The following NGLY1 variants were observed in gnomAD, a reference collection of about 807,000 sequenced individuals.
NGLY1 encodes the protein peptide-N(4)-(N-acetyl-beta-glucosaminyl)asparagine amidase.
NGLY1 carries 68 observed loss-of-function variants against 84.6 expected under a neutral mutation model. That is an observed-to-expected ratio of 0.80 (90% CI 0.66 to 0.98). NGLY1 has a LOEUF of 0.98. Ranked by LOEUF, NGLY1 falls within the 50% of genes least tolerant of loss-of-function variation. NGLY1 has a pLI of 0.00. For missense variants in NGLY1, 779 were observed against 770.2 expected, an observed-to-expected ratio of 1.01 and a Z score of -0.14; for synonymous variants, 280 against 275.2, an observed-to-expected ratio of 1.02 and a Z score of -0.17.
intron 1 of NGLY1, among the ~76,000 whole-genome samples, chr3:25,781,993 T>C (rs554105002): frequency 6.6e-6 from 1 of 152,204 alleles, no homozygotes; most frequent in South Asian, 2.1e-4. Flanking sequence ...TGTGAAGAGC[T>C]GTAAGGCCTC....
At chr3:25,773,462 C>T (rs890693843) in intron 2 of NGLY1, among the ~76,000 whole-genome samples, 2 of 152,182 alleles carry the variant, frequency 1.3e-5, no homozygotes, top group Admixed American at 6.5e-5. Context: ...GTGTTCTTCA[C>T]TTCCAGAAGT....
rs528613857 is a variant in NGLY1, at chr3:25,719,730, G to A, written c.1790-95C>T. 6.3e-6 allele frequency: 6 copies of A among 948,212 alleles called. No individual in the cohort carries two copies. In the South Asian group the frequency reaches 1.2e-4, roughly 19 times the overall value. The allele number at this position is 948,212 out of a possible 1,614,324, so 58.7% of individuals were successfully genotyped here. On this transcript the variant is annotated intron_variant, in intron 11 of 11. Coordinates refer to ENST00000280700, the MANE Select transcript of NGLY1 (RefSeq NM_018297.4). ...GTATTTTATATAGGCTGATGTATAA[G>A]TTAAAATAAACCCTTAAAAATAAAT...
intron 2 of NGLY1, among the ~76,000 whole-genome samples, chr3:25,774,469 C>T (rs2125312905): frequency 1.3e-5 from 2 of 152,204 alleles, no homozygotes; most frequent in East Asian, 3.9e-4. Flanking sequence ...TTGTTGTGGC[C>T]ACTGTGGCGG....
intron 5 of NGLY1, among the ~76,000 whole-genome samples, chr3:25,738,699 G>A (rs1036750433): frequency 4.0e-5 from 6 of 151,840 alleles, no homozygotes; most frequent in Non-Finnish European, 5.9e-5. Context: ...CACAATCTTG[G>A]ATCACTGCAA....
At chr3:25,778,515 A>C (rs1457081402) in intron 2 of NGLY1, 59 bp downstream of exon 2, 2 of 902,732 alleles carry the variant, frequency 2.2e-6, no homozygotes, top group Non-Finnish European at 3.4e-6. Context: ...TTATTCACCA[A>C]CATGATAATG....
intron 8 of NGLY1, 120 bp downstream of exon 8, chr3:25,733,752 A>C (rs1302725819): frequency 2.0e-6 from 1 of 490,288 alleles, no homozygotes; most frequent in African/African-American, 2.0e-5. Flanking sequence ...AGAATATTAA[A>C]ATATTCTTGT....
upstream of NGLY1, among the ~76,000 whole-genome samples, chr3:25,785,061 C>G (rs1286042414): frequency 1.6e-5 from 2 of 126,874 alleles, no homozygotes; most frequent in African/African-American, 5.9e-5. Flanking sequence ...GCTCCACAGA[C>G]AATACTTGAA....
intron 10 of NGLY1, among the ~76,000 whole-genome samples, chr3:25,724,163 G>A (rs928994212): frequency 6.6e-6 from 1 of 152,156 alleles, no homozygotes; most frequent in African/African-American, 2.4e-5. Context: ...ATTACTACAT[G>A]TCAGGCTGCT....
chr3:25,729,556 A>AT (rs1168171135), intron 9 of NGLY1: 1 of 281,552 alleles, frequency 3.6e-6, no homozygotes, highest in East Asian at 6.0e-5. Flanking sequence ...TATTTTTGTG[A>AT]TTTTGCATTC....
chr3:25,784,400 G>A (rs1051530257), upstream of NGLY1, among the ~76,000 whole-genome samples: 1 of 152,154 alleles, frequency 6.6e-6, no homozygotes, highest in African/African-American at 2.4e-5. Flanking sequence ...CACACAGTAA[G>A]GGTAAGTAAT....
At chr3:25,785,992 A>C (rs1328705453), upstream of NGLY1, among the ~76,000 whole-genome samples, 1 of 152,196 alleles carries the variant, frequency 6.6e-6, no homozygotes, top group African/African-American at 2.4e-5. Context: ...TACTGAATAG[A>C]GTTGTTGGTT....
intron 5 of NGLY1, 73 bp downstream of exon 5, chr3:25,739,504 T>C: frequency 1.4e-6 from 2 of 1,384,742 alleles, no homozygotes; most frequent in Admixed American, 2.0e-5. Flanking sequence ...TATTAAAAAG[T>C]TCATTTAGTA....
At chr3:25,778,719 A>G in intron 1 of NGLY1, 31 bp from the exon 2 acceptor site, 1 of 1,358,202 alleles carries the variant, frequency 7.4e-7, no homozygotes, top group Non-Finnish European at 1.0e-6. Flanking sequence ...GATTATATAT[A>G]AAAAAAACCA....
chr3:25,741,837 A>G (rs1319832147), intron 4 of NGLY1, among the ~76,000 whole-genome samples: 1 of 151,880 alleles, frequency 6.6e-6, no homozygotes, highest in African/African-American at 2.4e-5. Flanking sequence ...CTAAAAATAC[A>G]AAAGAAAAAA....
chr3:25,757,901 A>G (rs1310504959), intron 3 of NGLY1, among the ~76,000 whole-genome samples: 4 of 152,252 alleles, frequency 2.6e-5, no homozygotes, highest in African/African-American at 9.6e-5. Context: ...TCATAAAGTC[A>G]AAGGGTTAAC....
At chr3:25,762,091 C>T (rs1292768794) in intron 3 of NGLY1, among the ~76,000 whole-genome samples, 1 of 151,894 alleles carries the variant, frequency 6.6e-6, no homozygotes, top group African/African-American at 2.4e-5. Flanking sequence ...TACTGGCAAA[C>T]GTCAACATCA....
At chr3:25,755,251 T>C in intron 3 of NGLY1, 1 of 1,376,774 alleles carries the variant, frequency 7.3e-7, no homozygotes, top group Non-Finnish European at 1.0e-6. Context: ...TTAAGCCATA[T>C]GCAGGACCTA....
chr3:25,763,779 C>A (rs190691777), intron 3 of NGLY1, among the ~76,000 whole-genome samples: 1 of 152,096 alleles, frequency 6.6e-6, no homozygotes, highest in African/African-American at 2.4e-5. Context: ...TACCTTAAAC[C>A]TAAAGAAGCT....
exon 1 of NGLY1, chr3:25,789,941 C>G: frequency 6.5e-7 from 1 of 1,531,810 alleles, no homozygotes; most frequent in Non-Finnish European, 8.9e-7. Flanking sequence ...ACGCAAACAG[C>G]TACCCAGCCG....
Sources: gnomAD v4.1 joint callset for allele counts (sites outside exome capture counted in the v4.1 genomes callset) on GRCh38, gnomAD v4.1.1 for gene constraint, MANE v1.5 for transcripts, NCBI Gene and HGNC (gene_info 2026-07-23, HGNC 2026-07-21) for gene names.